The following LRP12 variants were observed in gnomAD, a reference collection of about 807,000 sequenced individuals.
LRP12 encodes the protein LDL receptor related protein 12.
LRP12 carries 14 observed loss-of-function variants against 66.0 expected under a neutral mutation model. That is an observed-to-expected ratio of 0.21 (90% CI 0.14 to 0.33). LRP12 has a LOEUF of 0.33. Ranked by LOEUF, LRP12 falls within the 10% of genes least tolerant of loss-of-function variation. The pLI is 1.00. For missense variants in LRP12, 889 were observed against 1,053.4 expected (o/e 0.84, Z 2.16); for synonymous variants, 357 against 359.1 (o/e 0.99, Z 0.07).
intron 1 of LRP12, among the ~76,000 whole-genome samples, chr8:104,587,791 T>C (rs934022024): frequency 2.0e-5 from 3 of 152,218 alleles, no homozygotes; most frequent in Non-Finnish European, 4.4e-5. Flanking sequence ...TTAGACTTTT[T>C]ATAAGTAAAA....
chr8:104,496,536 AT>A (rs1055205570), intron 5 of LRP12, among the ~76,000 whole-genome samples: 1 of 152,084 alleles, frequency 6.6e-6, no homozygotes, highest in Non-Finnish European at 1.5e-5. Flanking sequence ...TTGTCATCTT[AT>A]TCCATGCCCC....
chr8:104,533,610 A>G (rs576123108), intron 1 of LRP12, among the ~76,000 whole-genome samples: 6 of 152,244 alleles, frequency 3.9e-5, no homozygotes, highest in African/African-American at 1.4e-4. Context: ...TCACAGTTAC[A>G]TAATTTGTGA....
At chr8:104,548,207 A>AC (rs1564141894) in intron 1 of LRP12, among the ~76,000 whole-genome samples, 35 of 95,970 alleles carry the variant, frequency 3.6e-4, no homozygotes, top group African/African-American at 2.1e-3. Flanking sequence ...TATATGATAT[A>AC]TTTATATTAA....
intron 1 of LRP12, among the ~76,000 whole-genome samples, chr8:104,541,012 G>A (rs1323825263): frequency 1.3e-5 from 2 of 152,190 alleles, no homozygotes; most frequent in South Asian, 2.1e-4. Flanking sequence ...GATTACAGGC[G>A]TGAGCCACCG....
At chr8:104,493,092 ACTCT>A (rs1810662958) in intron 6 of LRP12, among the ~76,000 whole-genome samples, 1 of 152,092 alleles carries the variant, frequency 6.6e-6, no homozygotes, top group African/African-American at 2.4e-5. Flanking sequence ...CTGAGGTGAA[ACTCT>A]CTATTTAGTT....
intron 1 of LRP12, among the ~76,000 whole-genome samples, chr8:104,538,875 A>T (rs562449590): frequency 6.6e-6 from 1 of 152,242 alleles, no homozygotes; most frequent in South Asian, 2.1e-4. Flanking sequence ...TTAACCTTAA[A>T]TTTAAAATAG....
intron 1 of LRP12, among the ~76,000 whole-genome samples, chr8:104,538,142 G>A (rs1811416085): frequency 6.6e-6 from 1 of 152,206 alleles, no homozygotes; most frequent in Non-Finnish European, 1.5e-5. Context: ...TAGGAGTGAG[G>A]TGTTGAATTA....
intron 2 of LRP12, among the ~76,000 whole-genome samples, chr8:104,519,829 C>T (rs971297925): frequency 2.6e-5 from 4 of 151,832 alleles, no homozygotes; most frequent in Non-Finnish European, 2.9e-5. Context: ...GCATTAGTAC[C>T]GATATTTAAG....
chr8:104,559,800 T>A (rs1166699888), intron 1 of LRP12, among the ~76,000 whole-genome samples: 1 of 152,116 alleles, frequency 6.6e-6, no homozygotes, highest in Admixed American at 6.6e-5. Context: ...AAAAGTTTTT[T>A]AAGTTATCCA....
At chr8:104,531,333 A>T (rs191232237) in intron 2 of LRP12, among the ~76,000 whole-genome samples, 3 of 152,298 alleles carry the variant, frequency 2.0e-5, no homozygotes, top group African/African-American at 7.2e-5. Context: ...TTTAGTAGTT[A>T]TAAGTCTTTA....
At chr8:104,569,167 C>T (rs75967081) in intron 1 of LRP12, among the ~76,000 whole-genome samples, 4,663 of 152,078 alleles carry the variant, frequency 0.031, 239 homozygotes, top group African/African-American at 0.11. Flanking sequence ...AAGCCAGACA[C>T]AAAAGACCAA....
chr8:104,584,226 A>C (rs1189126500), intron 1 of LRP12, among the ~76,000 whole-genome samples: 1 of 152,012 alleles, frequency 6.6e-6, no homozygotes, highest in East Asian at 1.9e-4. Flanking sequence ...AATTTAGAAC[A>C]ACCTTCCTCT....
At chr8:104,546,067 T>C (rs1321650713) in intron 1 of LRP12, among the ~76,000 whole-genome samples, 2 of 152,158 alleles carry the variant, frequency 1.3e-5, no homozygotes, top group Admixed American at 6.5e-5. Context: ...GTTTTTTCTT[T>C]CTTGTTTCCC....
intron 2 of LRP12, among the ~76,000 whole-genome samples, chr8:104,521,048 T>C (rs1811141212): frequency 6.6e-6 from 1 of 152,056 alleles, no homozygotes; most frequent in Non-Finnish European, 1.5e-5. Flanking sequence ...ACACGTGCTG[T>C]TCTAATGCTG....
chr8:104,568,428 T>C (rs1812036307), intron 1 of LRP12, among the ~76,000 whole-genome samples: 1 of 152,162 alleles, frequency 6.6e-6, no homozygotes, highest in African/African-American at 2.4e-5. Flanking sequence ...TAAACTGGAC[T>C]GTCTCAAAAT....
chr8:104,585,265 A>G (rs1203387000), intron 1 of LRP12, among the ~76,000 whole-genome samples: 2 of 152,230 alleles, frequency 1.3e-5, no homozygotes, highest in African/African-American at 4.8e-5. Flanking sequence ...TTCACTCGTC[A>G]CCCAGGCTAG....
At chr8:104,542,810 T>C (rs939683479) in intron 1 of LRP12, among the ~76,000 whole-genome samples, 1 of 152,014 alleles carries the variant, frequency 6.6e-6, no homozygotes. Flanking sequence ...TCACAAGGAA[T>C]AGAAAATGTA....
chr8:104,510,515 A>C (rs542052240), intron 2 of LRP12, among the ~76,000 whole-genome samples: 1 of 152,322 alleles, frequency 6.6e-6, no homozygotes, highest in Admixed American at 6.5e-5. Context: ...AATATAGTTA[A>C]CATTATCCAG....
chr8:104,496,947 C>G lies in LRP12; in HGVS notation c.1580+25G>C. ...CACTTGGGCCTGCTTTTATTGAGGC[C>G]CAATAGTTCTGTCTTGATACTGACC... On this transcript the variant is annotated intron_variant, in intron 5 of 6. Transcript: ENST00000276654. 2.0e-6 allele frequency: 3 copies of G among 1,479,294 alleles called. No homozygotes were observed. In the East Asian group the frequency reaches 7.0e-5, roughly 34 times the overall value. The allele number at this position is 1,479,294 out of a possible 1,614,324, so 91.6% of individuals were successfully genotyped here.
Sources: allele counts gnomAD v4.1 joint callset (sites outside exome capture counted in the v4.1 genomes callset), GRCh38; gene constraint gnomAD v4.1.1; transcripts MANE v1.5; gene names NCBI Gene and HGNC (gene_info 2026-07-23, HGNC 2026-07-21).